ANKS1A: variants seen among roughly 807,000 people sequenced by gnomAD.
ANKS1A encodes ankyrin repeat and SAM domain-containing protein 1A.
A neutral mutation model predicts 120.3 loss-of-function variants in ANKS1A; 55 were observed. That is an observed-to-expected ratio of 0.46 (90% CI 0.37 to 0.57). The LOEUF is 0.57. Among genes scored for constraint, ANKS1A ranks in the 20% least tolerant of loss-of-function variants. The pLI is 0.00. For synonymous variants in ANKS1A, 590 were observed against 604.7 expected (o/e 0.98, Z 0.36); for missense variants, 1,123 against 1,480.3 (o/e 0.76, Z 3.96).
At chr6:34,972,175 T>C (rs796107687) in intron 3 of ANKS1A, among the ~76,000 whole-genome samples, 2 of 152,296 alleles carry the variant, frequency 1.3e-5, no homozygotes, top group African/African-American at 4.8e-5. Context: ...ATTTTTGAGC[T>C]ACTTGAGTGT....
chr6:34,967,544 T>G (rs900233425), intron 2 of ANKS1A, among the ~76,000 whole-genome samples: 2 of 151,210 alleles, frequency 1.3e-5, no homozygotes, highest in African/African-American at 4.9e-5. Context: ...AAAAAAAATT[T>G]TTTTAATTAA....
In ANKS1A at chr6:35,090,404, CG is replaced by C. The variant is rs1778237157; in HGVS notation, c.*1799del. Reference sequence around the variant, plus strand: ...CATCCAAGTGGGCCTCTGTCGGGGGCGGGGCGGTAGGTCCGAAAGAAACCGC... The same window carrying C: ...CATCCAAGTGGGCCTCTGTCGGGGGCGGGCGGTAGGTCCGAAAGAAACCGC... On this transcript the variant is annotated 3_prime_UTR_variant, in exon 24 of 24. Coordinates refer to ENST00000360359, the MANE Select transcript of ANKS1A (RefSeq NM_015245.3). 1 of 1,208,432 alleles carries C rather than the reference CG, an allele frequency of 8.3e-7. No individual in the cohort carries two copies. The highest frequency in any genetic ancestry group is 1.1e-6 in the Non-Finnish European group (1 of 950,856). The allele number at this position is 1,208,432 out of a possible 1,614,324, so 74.9% of individuals were successfully genotyped here.
chr6:35,090,349 T>G lies in ANKS1A; in HGVS notation c.*1740T>G. The G allele has an allele frequency of 1.6e-6, 2 of 1,269,956 alleles. No homozygotes were observed. The highest frequency in any genetic ancestry group is 2.0e-6 in the Non-Finnish European group (2 of 976,958). The allele number at this position is 1,269,956 out of a possible 1,614,324, so 78.7% of individuals were successfully genotyped here. ...TGCGCTGCCACTGCGCACATGCTGG[T>G]GCCCGTCTTCCTCCTAAGGGGCCAG... On this transcript the variant is annotated 3_prime_UTR_variant, in exon 24 of 24. Transcript: ENST00000360359.
intron 16 of ANKS1A, 41 bp downstream of exon 16, chr6:35,079,969 C>T: frequency 6.5e-7 from 1 of 1,541,662 alleles, no homozygotes; most frequent in African/African-American, 1.4e-5. Flanking sequence ...TGTTTGTTCC[C>T]TGTATTTGCA....
intron 11 of ANKS1A, among the ~76,000 whole-genome samples, chr6:35,053,446 G>C (rs1011174707): frequency 1.3e-5 from 2 of 152,230 alleles, no homozygotes; most frequent in East Asian, 3.9e-4. Flanking sequence ...ACAGGTGTCT[G>C]TGCCCCGTCT....
At chr6:34,914,854 G>A (rs1222762198) in intron 1 of ANKS1A, among the ~76,000 whole-genome samples, 1 of 152,184 alleles carries the variant, frequency 6.6e-6, no homozygotes, top group Non-Finnish European at 1.5e-5. Context: ...GGGAGCAGGG[G>A]CAGCAGTAAA....
chr6:34,912,785 G>C (rs142392680), intron 1 of ANKS1A, among the ~76,000 whole-genome samples: 1 of 152,328 alleles, frequency 6.6e-6, no homozygotes, highest in Non-Finnish European at 1.5e-5. Context: ...GGATTGAAAA[G>C]CGAAATTGAT....
intron 15 of ANKS1A, 66 bp from the exon 16 acceptor site, chr6:35,079,755 G>A: frequency 6.2e-7 from 1 of 1,610,058 alleles, no homozygotes. Context: ...AAGATGCTGG[G>A]GGCTGGAGCG....
At chr6:34,908,629 ACT>A (rs1465830469) in intron 1 of ANKS1A, among the ~76,000 whole-genome samples, 5 of 152,168 alleles carry the variant, frequency 3.3e-5, no homozygotes, top group African/African-American at 1.2e-4. Flanking sequence ...GAACTCGGTA[ACT>A]CTCTGAAATA....
At chr6:35,037,051 C>T (rs185799283) in intron 11 of ANKS1A, among the ~76,000 whole-genome samples, 1 of 152,212 alleles carries the variant, frequency 6.6e-6, no homozygotes, top group Admixed American at 6.5e-5. Flanking sequence ...ACGCAAGAAC[C>T]AGGCATGGGA....
intron 13 of ANKS1A, among the ~76,000 whole-genome samples, chr6:35,072,089 C>T (rs820069): frequency 0.8 from 121,871 of 152,332 alleles, 49,731 homozygotes; most frequent in South Asian, 0.92. Flanking sequence ...AATATTAACA[C>T]GTGAGATGCC....
At chr6:34,943,499 CAT>C in intron 1 of ANKS1A, among the ~76,000 whole-genome samples, 1 of 152,294 alleles carries the variant, frequency 6.6e-6, no homozygotes, top group Non-Finnish European at 1.5e-5. Flanking sequence ...ACAAATGCCT[CAT>C]GTCATATATC....
Position 34,981,707 on chromosome 6 carries a change from A to T in ANKS1A, c.453A>T (p.Thr151=). The stretch of plus-strand genomic sequence containing the variant: ...CCCTTTAGAACAATGACAACGAGAC[A>T]GCCCTGCATTGTGCAGCGCAGTATG... ...RVNEQNNDNE[T]ALHCAAQYGH... Residue 151 remains threonine, a synonymous_variant, in exon 4 of 24, where the codon ACA becomes ACT. Transcript: ENST00000360359. The T allele has an allele frequency of 6.2e-7, 1 of 1,614,116 alleles. No homozygotes were observed.
At chr6:35,034,589 C>T (rs1775063422) in intron 11 of ANKS1A, among the ~76,000 whole-genome samples, 3 of 152,228 alleles carry the variant, frequency 2.0e-5, no homozygotes, top group South Asian at 2.1e-4. Flanking sequence ...TTAGTTTAGA[C>T]AGTGCCTCTC....
chr6:35,058,037 T>C lies in ANKS1A; in HGVS notation c.2078-2110T>C, dbSNP rs531663112. 1.1e-4 allele frequency among the ~76,000 whole-genome samples: 17 copies of C among 152,250 alleles called. No individual in the cohort carries two copies. Among genetic ancestry groups the C allele is most frequent in the Non-Finnish European group, 2.1e-4 (14 of 68,038 alleles). On this transcript the variant is annotated intron_variant, in intron 12 of 23. Transcript: ENST00000360359. The surrounding 1 kb of genome is among the most constrained non-coding windows in gnomAD (Gnocchi z 5.1). ...AGCCAACATCGGCTATTGGGAAATC[T>C]GTCATTTCGCTCTGATGCTAGTGCT...
chr6:35,033,949 C>T (rs1775031940), intron 11 of ANKS1A, among the ~76,000 whole-genome samples: 1 of 152,164 alleles, frequency 6.6e-6, no homozygotes, highest in Non-Finnish European at 1.5e-5. Flanking sequence ...GGTGTTAACA[C>T]TCAGGTTCCT....
chr6:35,038,021 G>A (rs899331079), intron 11 of ANKS1A, among the ~76,000 whole-genome samples: 8 of 152,124 alleles, frequency 5.3e-5, no homozygotes, highest in Admixed American at 3.3e-4. Context: ...GATGGCTGGC[G>A]TCAGGTCTCT....
At chr6:34,943,816 C>T (rs966258580) in intron 1 of ANKS1A, among the ~76,000 whole-genome samples, 1 of 152,122 alleles carries the variant, frequency 6.6e-6, no homozygotes, top group African/African-American at 2.4e-5. Flanking sequence ...ACATCTTGGT[C>T]GCTTCCAAGT....
chr6:34,936,544 C>G (rs1262947435), intron 1 of ANKS1A, among the ~76,000 whole-genome samples: 1 of 152,200 alleles, frequency 6.6e-6, no homozygotes, highest in South Asian at 2.1e-4. Context: ...AGTTCATTTG[C>G]TTCCATTGCC....
Sources: gnomAD v4.1 joint callset for allele counts (sites outside exome capture counted in the v4.1 genomes callset) on GRCh38, gnomAD v4.1.1 for gene constraint, Gnocchi (gnomAD v3.1) non-coding constraint, MANE v1.5 for transcripts, NCBI Gene and HGNC (gene_info 2026-07-23, HGNC 2026-07-21) for gene names.